Variants in SHE observed in about 807,000 individuals in gnomAD.
SHE encodes the protein SH2 domain-containing adapter protein E.
SHE carries 11 observed loss-of-function variants against 49.8 expected under a neutral mutation model. That is an observed-to-expected ratio of 0.22 (90% confidence interval 0.14 to 0.37). SHE has a LOEUF of 0.37. Among genes scored for constraint, SHE ranks in the 10% least tolerant of loss-of-function variants. The pLI is 1.00. For missense variants in SHE, 624 were observed against 655.5 expected, an observed-to-expected ratio of 0.95 and a Z score of 0.52; for synonymous variants, 310 against 278.1, an observed-to-expected ratio of 1.11 and a Z score of -1.14.
In SHE at chr1:154,486,500, T is replaced by G. The variant is rs377698005; in HGVS notation, c.1181+27A>C. Reference sequence around the variant, plus strand: ...GCTGTAAGCTCCCAGCTGTTGTCTGTTACAAGGATCTGAGGAGGAGACTCA... The same window carrying G: ...GCTGTAAGCTCCCAGCTGTTGTCTGGTACAAGGATCTGAGGAGGAGACTCA... On this transcript the variant is annotated intron_variant, in intron 4 of 5. Transcript: ENST00000304760. 4.3e-6 allele frequency: 7 copies of G among 1,612,036 alleles called. No individual in the cohort carries two copies. The Admixed American group carries it at 1.0e-4, about 23-fold the overall frequency.
rs1409627049 is a variant in SHE at position 154,502,023 on chromosome 1, G to T, written c.4C>A (p.Gln2Lys). The change falls in exon 1 of 6, where the codon CAG (glutamine) becomes AAG (lysine). Residue 2 changes from glutamine (Q) to lysine (K), a missense_variant. Physicochemically the swap from Gln to Lys is moderately conservative, Grantham distance 53. Around this residue, in one of 4 missense-constraint regions of SHE, gnomAD observed 337 missense variants for 306.0 expected, o/e 1.10. Transcript: ENST00000304760. M[Q>K]WSPTPGASAC... Reference sequence around the variant, plus strand: ...GAGGCGCCAGGGGTCGGGGACCACTGCATTCCCCGTGACTGGGGCGCTGGA... The same window carrying T: ...GAGGCGCCAGGGGTCGGGGACCACTTCATTCCCCGTGACTGGGGCGCTGGA... 6.7e-6 allele frequency: 9 copies of T among 1,348,130 alleles called. No homozygotes were observed. In the South Asian group the frequency reaches 1.5e-4, roughly 23 times the overall value. The allele number at this position is 1,348,130 out of a possible 1,614,324, so 83.5% of individuals were successfully genotyped here. A position where few individuals can be genotyped will look rare whatever the true frequency, so the allele number is the denominator to read the frequency against.
In SHE at chr1:154,480,291, C is replaced by T. The variant is rs1364287048; in HGVS notation, c.*3858G>A. The T allele has an allele frequency of 2.2e-5, 22 of 985,428 alleles. No individual in the cohort carries two copies. The East Asian group carries it at 1.7e-3, about 76-fold the overall frequency. 61.0% of individuals were successfully genotyped at this position (985,428 alleles called of 1,614,324 possible). A position where few individuals can be genotyped will look rare whatever the true frequency, so the allele number is the denominator to read the frequency against. ...GTGCGGGGAAGGGAAATGAAATCGACATCACTGCACTCCCTAAACCCTGGA... is the reference window on the plus strand; with the variant it reads ...GTGCGGGGAAGGGAAATGAAATCGATATCACTGCACTCCCTAAACCCTGGA... On this transcript the variant is annotated 3_prime_UTR_variant, in exon 6 of 6. Coordinates refer to ENST00000304760, the MANE Select transcript of SHE (RefSeq NM_001010846.3).
intron 2 of SHE, among the ~76,000 whole-genome samples, chr1:154,498,646 C>T (rs1211953714): frequency 6.8e-6 from 1 of 147,640 alleles, no homozygotes; most frequent in East Asian, 2.0e-4. Context: ...GATCTGCCCG[C>T]CTCTCTCCCA....
chr1:154,493,320 C>T (rs1486865737), intron 2 of SHE, among the ~76,000 whole-genome samples: 3 of 152,212 alleles, frequency 2.0e-5, no homozygotes, highest in African/African-American at 7.2e-5. Flanking sequence ...CACCTGGCTG[C>T]CCCCAAACCT....
Position 154,480,801 on chromosome 1 carries a change from G to C in SHE, c.*3348C>G, listed in dbSNP as rs1257715803. On this transcript the variant is annotated 3_prime_UTR_variant, in exon 6 of 6. Transcript: ENST00000304760. ...ATACACACAAGGCCAGTGGTTTGCAGGCCATCCTGAGATACAACTATGGTA... is the reference window on the plus strand; with the variant it reads ...ATACACACAAGGCCAGTGGTTTGCACGCCATCCTGAGATACAACTATGGTA... The C allele has an allele frequency of 3.0e-6, 3 of 985,256 alleles. No individual in the cohort carries two copies. The African/African-American group carries it at 5.2e-5, about 17-fold the overall frequency. 61.0% of individuals were successfully genotyped at this position (985,256 alleles called of 1,614,324 possible). A position where few individuals can be genotyped will look rare whatever the true frequency, so the allele number is the denominator to read the frequency against.
chr1:154,483,860 T>C lies in SHE; in HGVS notation c.*289A>G, dbSNP rs1692090154. 1.1e-6 allele frequency: 1 copy of C among 885,952 alleles called. No homozygotes were observed. Among genetic ancestry groups the C allele is most frequent in the Non-Finnish European group, 1.4e-6 (1 of 696,838 alleles). The allele number at this position is 885,952 out of a possible 1,614,324, so 54.9% of individuals were successfully genotyped here. ...TACAAAAAAAAAAATTAGCTGGGAG[T>C]GGTGGTGCGAACCTATAGTCCCACC... is the stretch of plus-strand genomic sequence containing the variant. On this transcript the variant is annotated 3_prime_UTR_variant, in exon 6 of 6. Transcript: ENST00000304760.
Position 154,481,770 on chromosome 1 carries a change from T to C in SHE, c.*2379A>G. 1.0e-6 allele frequency: 1 copy of C among 963,236 alleles called. No homozygotes were observed. The highest frequency in any genetic ancestry group is 1.2e-6 in the Non-Finnish European group (1 of 809,790). 59.7% of individuals were successfully genotyped at this position (963,236 alleles called of 1,614,324 possible). ...ATGCTGAAAAAACCTTTTAAAATCT[T>C]ACACTAAAGATATAGTAAATGAACC... On this transcript the variant is annotated 3_prime_UTR_variant, in exon 6 of 6. Coordinates refer to ENST00000304760, the MANE Select transcript of SHE (RefSeq NM_001010846.3).
chr1:154,494,342 T>C (rs1461896086), intron 2 of SHE, among the ~76,000 whole-genome samples: 4 of 151,796 alleles, frequency 2.6e-5, no homozygotes, highest in Admixed American at 2.6e-4. Context: ...AGGTTTTTTC[T>C]GTTTAAATCA....
At position 154,479,774 on chromosome 1, in the gene SHE, T is replaced by C. The variant is rs903286292; in HGVS notation, c.*4375A>G. 1.4e-5 allele frequency: 14 copies of C among 985,268 alleles called. No individual in the cohort carries two copies. The highest frequency in any genetic ancestry group is 1.7e-5 in the Non-Finnish European group (14 of 829,914). 61.0% of individuals were successfully genotyped at this position (985,268 alleles called of 1,614,324 possible). A position where few individuals can be genotyped will look rare whatever the true frequency, so the allele number is the denominator to read the frequency against. ...TTCAATGATTCTGTTGCCAGCATAT[T>C]AATTAAAATACAATTTGAGATTCTA... On this transcript the variant is annotated 3_prime_UTR_variant, in exon 6 of 6. Coordinates refer to ENST00000304760, the MANE Select transcript of SHE (RefSeq NM_001010846.3).
At position 154,481,687 on chromosome 1, in the gene SHE, A is replaced by C. The variant is rs1692021303; in HGVS notation, c.*2462T>G. On this transcript the variant is annotated 3_prime_UTR_variant, in exon 6 of 6. Coordinates refer to ENST00000304760, the MANE Select transcript of SHE (RefSeq NM_001010846.3). ...GTTTCATTTCTAGAATGTTAAACTA[A>C]AAATAAGTTTAACACAATGAATAAT... The C allele has an allele frequency of 1.0e-6, 1 of 968,512 alleles. No individual in the cohort carries two copies. The highest frequency in any genetic ancestry group is 1.2e-6 in the Non-Finnish European group (1 of 814,626). The allele number at this position is 968,512 out of a possible 1,614,324, so 60.0% of individuals were successfully genotyped here.
chr1:154,490,273 C>G (rs1692322991), intron 2 of SHE, among the ~76,000 whole-genome samples: 1 of 152,212 alleles, frequency 6.6e-6, no homozygotes, highest in South Asian at 2.1e-4. Context: ...AACTCAGCAG[C>G]TAACATTTAT....
Position 154,482,085 on chromosome 1 carries a change from C to T in SHE, c.*2064G>A. The T allele has an allele frequency of 6.6e-6, 1 of 152,490 alleles. No homozygotes were observed. The allele number at this position is 152,490 out of a possible 1,614,324, so 9.4% of individuals were successfully genotyped here. A position where few individuals can be genotyped will look rare whatever the true frequency, so the allele number is the denominator to read the frequency against. ...ATGGAGTGCAGTGACATAATCTTGGCTCACTGCAACCTCCACCTCCTGGGC... is the reference window on the plus strand; with the variant it reads ...ATGGAGTGCAGTGACATAATCTTGGTTCACTGCAACCTCCACCTCCTGGGC... On this transcript the variant is annotated 3_prime_UTR_variant, in exon 6 of 6. Coordinates refer to ENST00000304760, the MANE Select transcript of SHE (RefSeq NM_001010846.3).
chr1:154,473,666 T>C (rs1486072379), intron 1 of SHE, among the ~76,000 whole-genome samples: 4 of 152,068 alleles, frequency 2.6e-5, no homozygotes, highest in African/African-American at 9.7e-5. Context: ...TAGCTGGGCA[T>C]GCTGGCACAT....
Position 154,499,702 on chromosome 1 carries a change from T to C in SHE, c.592-464A>G, listed in dbSNP as rs115110418. Among the ~76,000 whole-genome samples, 685 of 151,680 alleles carry C rather than the reference T, an allele frequency of 4.5e-3. 5 individuals carry two copies. The highest frequency in any genetic ancestry group is 0.016 in the African/African-American group (643 of 41,326). ...GCACTGGCTAGGCACTGTGAAGGAG[T>C]CAAAATAAACCCAAGACATGCTTCC... On this transcript the variant is annotated intron_variant, in intron 1 of 5. Transcript: ENST00000304760.
intron 3 of SHE, 71 bp from the exon 4 acceptor site, chr1:154,486,754 C>G (rs941938987): frequency 1.9e-6 from 3 of 1,555,010 alleles, no homozygotes; most frequent in Non-Finnish European, 2.6e-6. Flanking sequence ...GGGAAAAAAC[C>G]TCCTTGCCTG....
At chr1:154,470,462 ATC>A in intron 1 of SHE, 1 of 1,102,550 alleles carries the variant, frequency 9.1e-7, no homozygotes, top group East Asian at 5.9e-5. Context: ...CTTTCTGAAT[ATC>A]TGTGAGAATT....
intron 1 of SHE, 96 bp downstream of exon 1, chr1:154,501,340 C>G: frequency 1.7e-6 from 2 of 1,152,216 alleles, no homozygotes; most frequent in Non-Finnish European, 2.5e-6. Flanking sequence ...GAAACCTATC[C>G]TCACTGCCTC....
At chr1:154,490,434 C>T (rs1277485353) in intron 2 of SHE, among the ~76,000 whole-genome samples, 1 of 152,158 alleles carries the variant, frequency 6.6e-6, no homozygotes, top group Non-Finnish European at 1.5e-5. Flanking sequence ...CCAGTAAGTG[C>T]CAAAGCCTGG....
chr1:154,470,567 C>T (rs910837605), intron 1 of SHE, among the ~76,000 whole-genome samples: 5 of 152,148 alleles, frequency 3.3e-5, no homozygotes, highest in Admixed American at 3.3e-4. Flanking sequence ...AGGCCAGGTG[C>T]GGTGGCTCAC....
Sources: gnomAD v4.1 joint callset for allele counts (sites outside exome capture counted in the v4.1 genomes callset) on GRCh38, gnomAD v4.1.1 for gene constraint, gnomAD v4.1.1 regional missense constraint, MANE v1.5 for transcripts, NCBI Gene and HGNC (gene_info 2026-07-23, HGNC 2026-07-21) for gene names.